RBMS3: variants seen among roughly 807,000 people sequenced by gnomAD.
The protein encoded by RBMS3 is RNA binding motif single stranded interacting protein 3.
In RBMS3, 27 loss-of-function variants were observed where a neutral mutation model predicts 66.8. The observed-to-expected ratio is 0.40, with a 90% CI of 0.30 to 0.56. The LOEUF (loss-of-function observed/expected upper bound fraction) is 0.56, where lower values mean the gene tolerates loss of function less well. Ranked by LOEUF, RBMS3 falls within the 20% of genes least tolerant of loss-of-function variation. The pLI is 0.40. For missense variants in RBMS3, 513 were observed against 549.5 expected (o/e 0.93, Z 0.66); for synonymous variants, 188 against 183.0 (o/e 1.03, Z -0.22).
At chr3:29,621,054 C>T (rs963393515) in intron 4 of RBMS3, among the ~76,000 whole-genome samples, 1 of 152,048 alleles carries the variant, frequency 6.6e-6, no homozygotes, top group African/African-American at 2.4e-5. Flanking sequence ...AAACCCATAG[C>T]TCATAAAGGC....
Position 29,724,024 on chromosome 3 carries a change from C to T in RBMS3, c.400-15696C>T, listed in dbSNP as rs151323404. 5.3e-5 allele frequency among the ~76,000 whole-genome samples: 8 copies of T among 151,446 alleles called. No homozygotes were observed. In the East Asian group the frequency reaches 1.5e-3, roughly 29 times the overall value. On this transcript the variant is annotated intron_variant, in intron 4 of 14. Coordinates refer to ENST00000383767, the MANE Select transcript of RBMS3 (RefSeq NM_001003793.3). ...ATTGCTCCTTAAAAAAAAAAAGCCA[C>T]ACAGTTTTGATTAATGAGCCCAGTA...
At chr3:29,894,422 G>T (rs1333270918) in intron 8 of RBMS3, among the ~76,000 whole-genome samples, 1 of 151,404 alleles carries the variant, frequency 6.6e-6, no homozygotes, top group Non-Finnish European at 1.5e-5. Context: ...TCACCATGTT[G>T]TTCAGACTGG....
chr3:29,651,849 C>T (rs2050155202), intron 4 of RBMS3, among the ~76,000 whole-genome samples: 1 of 152,116 alleles, frequency 6.6e-6, no homozygotes, highest in Non-Finnish European at 1.5e-5. Flanking sequence ...AGTTGTCATG[C>T]ATCATATAAT....
intron 1 of RBMS3, among the ~76,000 whole-genome samples, chr3:29,294,460 A>G (rs892334790): frequency 6.6e-6 from 1 of 151,672 alleles, no homozygotes; most frequent in Non-Finnish European, 1.5e-5. Flanking sequence ...AAAAAAACAT[A>G]GTACTGCATT....
chr3:29,924,037 G>T (rs561286793), intron 10 of RBMS3, among the ~76,000 whole-genome samples: 18 of 152,078 alleles, frequency 1.2e-4, no homozygotes, highest in Non-Finnish European at 2.1e-4. Context: ...AGAAATCTTT[G>T]CAACAGACAA....
chr3:29,963,438 T>C (rs1696613626), intron 12 of RBMS3, among the ~76,000 whole-genome samples: 2 of 152,214 alleles, frequency 1.3e-5, no homozygotes, highest in Admixed American at 1.3e-4. Context: ...ATATTAGTGT[T>C]GTACTTAAAC....
At chr3:29,766,395 A>G (rs2055929550) in intron 6 of RBMS3, 1 of 151,992 alleles carries the variant, frequency 6.6e-6, no homozygotes, top group Admixed American at 6.6e-5. Context: ...TAAAAATTTC[A>G]TAGTTAAGGA....
chr3:29,281,445 G>C lies in RBMS3; in HGVS notation c.-237G>C, dbSNP rs180714918. The C allele has an allele frequency of 2.6e-4, 137 of 537,004 alleles. No individual in the cohort carries two copies. The East Asian group carries it at 3.3e-3, about 13-fold the overall frequency. The allele number at this position is 537,004 out of a possible 1,614,324, so 33.3% of individuals were successfully genotyped here. A position where few individuals can be genotyped will look rare whatever the true frequency, so the allele number is the denominator to read the frequency against. On this transcript the variant is annotated 5_prime_UTR_variant, in exon 1 of 15. Coordinates refer to ENST00000383767, the MANE Select transcript of RBMS3 (RefSeq NM_001003793.3). The stretch of plus-strand genomic sequence containing the variant: ...CAAGATCTGGGAAGGCTGTGTGTGG[G>C]TGTTTTTTCTACAGATCTCACTCCT...
chr3:29,872,082 C>G (rs564248981), intron 7 of RBMS3, among the ~76,000 whole-genome samples: 1 of 152,012 alleles, frequency 6.6e-6, no homozygotes, highest in East Asian at 1.9e-4. Context: ...ATAAAATGAT[C>G]GAGGGATGGG....
At chr3:29,802,065 T>G (rs2057406777) in intron 6 of RBMS3, among the ~76,000 whole-genome samples, 1 of 152,192 alleles carries the variant, frequency 6.6e-6, no homozygotes, top group South Asian at 2.1e-4. Context: ...TTTTGGATAT[T>G]TCACATCATG....
chr3:29,396,053 A>G (rs1330483762), intron 1 of RBMS3, among the ~76,000 whole-genome samples: 1 of 152,166 alleles, frequency 6.6e-6, no homozygotes, highest in Admixed American at 6.5e-5. Context: ...GAAACATTAG[A>G]TAACAATTTG....
chr3:29,759,985 T>C (rs1047424669), intron 5 of RBMS3, among the ~76,000 whole-genome samples: 6 of 152,088 alleles, frequency 3.9e-5, no homozygotes, highest in Non-Finnish European at 7.4e-5. Flanking sequence ...CTCTAAAGGC[T>C]CACAGCAGAC....
At chr3:29,887,060 C>T (rs541723914) in intron 8 of RBMS3, among the ~76,000 whole-genome samples, 1 of 151,768 alleles carries the variant, frequency 6.6e-6, no homozygotes, top group South Asian at 2.1e-4. Context: ...TACTTATATA[C>T]CATAAGCACC....
At chr3:29,736,887 G>C (rs2054403311) in intron 4 of RBMS3, among the ~76,000 whole-genome samples, 1 of 152,156 alleles carries the variant, frequency 6.6e-6, no homozygotes, top group Non-Finnish European at 1.5e-5. Flanking sequence ...ACAGTATCTA[G>C]CTATAATTTG....
intron 14 of RBMS3, among the ~76,000 whole-genome samples, chr3:29,994,400 C>A (rs11129375): frequency 3.3e-5 from 5 of 151,910 alleles, no homozygotes; most frequent in African/African-American, 7.3e-5. Context: ...CAAAGCATCC[C>A]GGAAGCTCCA....
intron 10 of RBMS3, among the ~76,000 whole-genome samples, chr3:29,921,377 A>T (rs2060774643): frequency 6.6e-6 from 1 of 151,344 alleles, no homozygotes; most frequent in African/African-American, 2.4e-5. Context: ...GTTTTTTTTA[A>T]CCCTTTATAA....
At chr3:29,300,332 G>C (rs1431226044) in intron 1 of RBMS3, among the ~76,000 whole-genome samples, 2 of 151,934 alleles carry the variant, frequency 1.3e-5, no homozygotes, top group African/African-American at 4.8e-5. Context: ...TTTTTGAAAA[G>C]AGATTAAAGT....
intron 2 of RBMS3, among the ~76,000 whole-genome samples, chr3:29,462,405 C>T (rs1190532998): frequency 6.6e-6 from 1 of 152,122 alleles, no homozygotes; most frequent in African/African-American, 2.4e-5. Flanking sequence ...TCATATGTTG[C>T]CTCCTAATTC....
At chr3:29,493,015 TTATTCAAA>T (rs2043608043) in intron 3 of RBMS3, among the ~76,000 whole-genome samples, 1 of 152,176 alleles carries the variant, frequency 6.6e-6, no homozygotes, top group Non-Finnish European at 1.5e-5. Context: ...TTGAGAATAT[TTATTCAAA>T]TATGTTATCT....
Sources: gnomAD v4.1 joint callset for allele counts (sites outside exome capture counted in the v4.1 genomes callset) on GRCh38, gnomAD v4.1.1 for gene constraint, MANE v1.5 for transcripts, NCBI Gene and HGNC (gene_info 2026-07-23, HGNC 2026-07-21) for gene names.